The following FAM171A1 variants were observed in gnomAD, a reference collection of about 807,000 sequenced individuals.
FAM171A1 encodes the protein protein FAM171A1.
Under a neutral mutation model 74.9 loss-of-function variants are expected in FAM171A1, and 23 were observed. That is an observed-to-expected ratio of 0.31 (90% CI 0.22 to 0.44). The LOEUF (loss-of-function observed/expected upper bound fraction) is 0.44. Among genes scored for constraint, FAM171A1 ranks in the 20% least tolerant of loss-of-function variants. FAM171A1 has a pLI of 1.00. For missense variants in FAM171A1, 1,162 were observed against 1,159.2 expected (o/e 1.00, Z -0.03); for synonymous variants, 527 against 505.7 (o/e 1.04, Z -0.57).
At chr10:15,295,096 T>A (rs559900632) in intron 1 of FAM171A1, among the ~76,000 whole-genome samples, 1 of 152,236 alleles carries the variant, frequency 6.6e-6, no homozygotes, top group East Asian at 1.9e-4. Context: ...ATTTTTTATT[T>A]ATTTTTATTT....
At chr10:15,283,284 G>A (rs899956100) in intron 2 of FAM171A1, among the ~76,000 whole-genome samples, 5 of 152,130 alleles carry the variant, frequency 3.3e-5, no homozygotes, top group East Asian at 3.9e-4. Flanking sequence ...CTGAAAACCC[G>A]AAGTCCAACT....
At chr10:15,359,004 T>C (rs2131887250) in intron 1 of FAM171A1, among the ~76,000 whole-genome samples, 2 of 152,310 alleles carry the variant, frequency 1.3e-5, no homozygotes, top group East Asian at 1.9e-4. Context: ...AGTCCTCTTC[T>C]ATAGAGGGAG....
chr10:15,299,508 T>C (rs887315058), intron 1 of FAM171A1, among the ~76,000 whole-genome samples: 1 of 151,936 alleles, frequency 6.6e-6, no homozygotes, highest in African/African-American at 2.4e-5. Context: ...TTTTTTTGTC[T>C]AGGGCTTAGG....
chr10:15,335,600 T>C (rs570358699), intron 1 of FAM171A1, among the ~76,000 whole-genome samples: 2 of 152,330 alleles, frequency 1.3e-5, no homozygotes, highest in South Asian at 2.1e-4. Flanking sequence ...GTGCTTCTAT[T>C]TAGCAATAAT....
chr10:15,369,915 G>T (rs1836114153), intron 1 of FAM171A1, among the ~76,000 whole-genome samples: 1 of 152,222 alleles, frequency 6.6e-6, no homozygotes, highest in African/African-American at 2.4e-5. Flanking sequence ...GAGCTCCCTC[G>T]CAGAGACCTG....
intron 5 of FAM171A1, among the ~76,000 whole-genome samples, chr10:15,236,536 C>T (rs1348067217): frequency 6.6e-6 from 1 of 151,870 alleles, no homozygotes; most frequent in Non-Finnish European, 1.5e-5. Flanking sequence ...GAGGAGGAGC[C>T]GGCATTCAAG....
intron 6 of FAM171A1, among the ~76,000 whole-genome samples, chr10:15,217,701 G>A (rs1833984036): frequency 6.6e-6 from 1 of 151,266 alleles, no homozygotes; most frequent in African/African-American, 2.4e-5. Flanking sequence ...GCAGTGGTGT[G>A]ATCTCAGCTC....
At chr10:15,260,394 C>A (rs72776164) in intron 3 of FAM171A1, among the ~76,000 whole-genome samples, 2,280 of 152,248 alleles carry the variant, frequency 0.015, 24 homozygotes, top group Middle Eastern at 0.024. Context: ...TAAATCTTTC[C>A]TCTACCACCT....
chr10:15,222,788 C>T (rs544211659), intron 5 of FAM171A1, among the ~76,000 whole-genome samples: 22 of 152,340 alleles, frequency 1.4e-4, no homozygotes, highest in African/African-American at 4.3e-4. Flanking sequence ...CACATGGCAG[C>T]GGCACACAGT....
upstream of FAM171A1, among the ~76,000 whole-genome samples, chr10:15,372,774 A>G (rs1836165977): frequency 6.6e-6 from 1 of 151,560 alleles, no homozygotes; most frequent in Non-Finnish European, 1.5e-5. Flanking sequence ...AAACCTCTAG[A>G]CTTTCCTTGA....
chr10:15,341,713 G>A (rs1835766500), intron 1 of FAM171A1, among the ~76,000 whole-genome samples: 1 of 152,192 alleles, frequency 6.6e-6, no homozygotes, highest in African/African-American at 2.4e-5. Flanking sequence ...ATGCAGAGCT[G>A]GAGATAAGCC....
intron 1 of FAM171A1, among the ~76,000 whole-genome samples, chr10:15,345,074 T>G (rs138977676): frequency 8.2e-4 from 125 of 152,364 alleles, no homozygotes; most frequent in African/African-American, 2.6e-3. Context: ...TGATGAAATT[T>G]GATCTGTTTA....
chr10:15,353,967 A>T (rs1001472289), intron 1 of FAM171A1, among the ~76,000 whole-genome samples: 3 of 152,238 alleles, frequency 2.0e-5, no homozygotes, highest in African/African-American at 7.2e-5. Flanking sequence ...CTCATCTGAA[A>T]TGCCAAATGC....
chr10:15,315,366 T>C (rs1046488725), intron 1 of FAM171A1, among the ~76,000 whole-genome samples: 2 of 152,218 alleles, frequency 1.3e-5, no homozygotes, highest in Admixed American at 1.3e-4. Flanking sequence ...ACTTTGAGTG[T>C]TAGTTGTGTG....
At chr10:15,279,264 C>A (rs1272123850) in intron 2 of FAM171A1, among the ~76,000 whole-genome samples, 2 of 152,170 alleles carry the variant, frequency 1.3e-5, no homozygotes, top group African/African-American at 4.8e-5. Flanking sequence ...ACTTTATTTC[C>A]TAAAGGAGAG....
At chr10:15,280,406 C>A (rs1359399027) in intron 2 of FAM171A1, among the ~76,000 whole-genome samples, 1 of 152,186 alleles carries the variant, frequency 6.6e-6, no homozygotes, top group African/African-American at 2.4e-5. Flanking sequence ...TGGTCCTGGA[C>A]CATCGCTAAG....
chr10:15,328,755 C>T (rs936853359), intron 1 of FAM171A1, among the ~76,000 whole-genome samples: 1 of 152,110 alleles, frequency 6.6e-6, no homozygotes, highest in Non-Finnish European at 1.5e-5. Context: ...TCACACAGCC[C>T]AGGCCCTGGC....
chr10:15,345,396 A>C (rs1426768371), intron 1 of FAM171A1, among the ~76,000 whole-genome samples: 5 of 152,202 alleles, frequency 3.3e-5, no homozygotes, highest in Non-Finnish European at 7.3e-5. Flanking sequence ...AGCTAAGCAC[A>C]CAGACCTGGG....
chr10:15,281,530 T>C (rs964375716), intron 2 of FAM171A1, among the ~76,000 whole-genome samples: 80 of 152,274 alleles, frequency 5.3e-4, no homozygotes, highest in African/African-American at 1.8e-3. Context: ...AAAACTCAAT[T>C]AAACTTCATT....
Sources: allele counts gnomAD v4.1 joint callset (sites outside exome capture counted in the v4.1 genomes callset), GRCh38; gene constraint gnomAD v4.1.1; transcripts MANE v1.5; gene names NCBI Gene and HGNC (gene_info 2026-07-23, HGNC 2026-07-21).